Variants in ITSN1 observed in about 807,000 individuals in gnomAD.
ITSN1 encodes intersectin 1.
Under a neutral mutation model 239.8 loss-of-function variants are expected in ITSN1, and 58 were observed. The observed-to-expected ratio is 0.24, with a 90% confidence interval of 0.20 to 0.30. ITSN1 has a LOEUF of 0.30. Among genes scored for constraint, ITSN1 ranks in the 10% least tolerant of loss-of-function variants. ITSN1 has a pLI of 1.00. For synonymous variants in ITSN1, 780 were observed against 770.8 expected, an observed-to-expected ratio of 1.01 and a Z score of -0.20; for missense variants, 1,558 against 2,103.3, an observed-to-expected ratio of 0.74 and a Z score of 5.07.
chr21:33,808,472 C>G (rs1414372874), intron 20 of ITSN1, among the ~76,000 whole-genome samples: 2 of 151,834 alleles, frequency 1.3e-5, no homozygotes, highest in Non-Finnish European at 2.9e-5. Context: ...GTAATCCCAG[C>G]TACTCAGGAG....
At chr21:33,674,068 T>A (rs2090456141) in intron 1 of ITSN1, among the ~76,000 whole-genome samples, 1 of 152,234 alleles carries the variant, frequency 6.6e-6, no homozygotes, top group Non-Finnish European at 1.5e-5. Flanking sequence ...CTTTGACATA[T>A]GTAATTAAAT....
chr21:33,677,988 G>A (rs912920434), intron 1 of ITSN1, among the ~76,000 whole-genome samples: 1 of 152,150 alleles, frequency 6.6e-6, no homozygotes, highest in African/African-American at 2.4e-5. Flanking sequence ...GTGTAAATAA[G>A]ATCATATTAT....
At position 33,687,705 on chromosome 21, in the gene ITSN1, G is replaced by A. The variant is rs557623896; in HGVS notation, c.-32-31092G>A. 4.6e-5 allele frequency among the ~76,000 whole-genome samples: 7 copies of A among 152,258 alleles called. No individual in the cohort carries two copies. In the East Asian group the frequency reaches 5.8e-4, roughly 13 times the overall value. On this transcript the variant is annotated intron_variant, in intron 1 of 39. Coordinates refer to ENST00000381318, the MANE Select transcript of ITSN1 (RefSeq NM_003024.3). Reference sequence around the variant, plus strand: ...AATACATAGTTAGGGACAGTTGTTCGTAGCTTCTGGAGTGTTTGAAAATGG... The same window carrying A: ...AATACATAGTTAGGGACAGTTGTTCATAGCTTCTGGAGTGTTTGAAAATGG...
intron 29 of ITSN1, among the ~76,000 whole-genome samples, chr21:33,852,486 C>T (rs2148465638): frequency 6.6e-6 from 1 of 152,258 alleles, no homozygotes; most frequent in African/African-American, 2.4e-5. Flanking sequence ...TGATGCTGTT[C>T]ATACAAATAT....
chr21:33,786,753 G>A (rs2070709440), intron 16 of ITSN1, among the ~76,000 whole-genome samples: 1 of 152,190 alleles, frequency 6.6e-6, no homozygotes, highest in Non-Finnish European at 1.5e-5. Context: ...GTCCTTGTTG[G>A]TTCCTGTCTA....
At chr21:33,851,158 C>T (rs1329734745) in intron 29 of ITSN1, among the ~76,000 whole-genome samples, 1 of 152,202 alleles carries the variant, frequency 6.6e-6, no homozygotes, top group East Asian at 1.9e-4. Context: ...TCATCTGGCC[C>T]TTCCCACCTT....
chr21:33,687,894 A>G (rs1030863853), intron 1 of ITSN1, among the ~76,000 whole-genome samples: 1 of 152,242 alleles, frequency 6.6e-6, no homozygotes, highest in Non-Finnish European at 1.5e-5. Context: ...CAGGCTGAAT[A>G]TACAAAGACT....
At chr21:33,792,046 T>C (rs1328618586) in intron 16 of ITSN1, among the ~76,000 whole-genome samples, 1 of 152,130 alleles carries the variant, frequency 6.6e-6, no homozygotes, top group Non-Finnish European at 1.5e-5. Flanking sequence ...ATAAATACTT[T>C]ATTTGTTTGT....
At chr21:33,723,474 T>C (rs1315156124) in intron 4 of ITSN1, among the ~76,000 whole-genome samples, 1 of 151,790 alleles carries the variant, frequency 6.6e-6, no homozygotes, top group East Asian at 1.9e-4. Context: ...ATTAGCCAGG[T>C]GTGGTGGCGG....
intron 5 of ITSN1, among the ~76,000 whole-genome samples, chr21:33,745,858 C>G (rs1284495776): frequency 3.3e-5 from 5 of 152,222 alleles, no homozygotes; most frequent in South Asian, 2.1e-4. Context: ...GAGTCAGCTG[C>G]AAACTCCTGA....
chr21:33,836,613 C>G lies in ITSN1; in HGVS notation c.3642C>G (p.Asp1214Glu). ...FPSNYVKLTTDMDPSQQWCSD... is the reference protein window; with the variant it reads ...FPSNYVKLTTEMDPSQQWCSD... ...CCAATTATGTGAAGCTGACCACAGACATGGACCCAAGCCAGCAATGTAAGT... is the reference window on the plus strand; with the variant it reads ...CCAATTATGTGAAGCTGACCACAGAGATGGACCCAAGCCAGCAATGTAAGT... The change falls in exon 29 of 40, where the codon GAC becomes GAG. Residue 1214 changes from aspartate to glutamate, a missense_variant. Coordinates refer to ENST00000381318, the MANE Select transcript of ITSN1 (RefSeq NM_003024.3). 1 of 1,613,928 alleles carries G rather than the reference C, an allele frequency of 6.2e-7. No homozygotes were observed. Among genetic ancestry groups the G allele is most frequent in the Non-Finnish European group, 8.5e-7 (1 of 1,179,872 alleles).
chr21:33,685,960 C>T (rs920955276), intron 1 of ITSN1, among the ~76,000 whole-genome samples: 1 of 152,186 alleles, frequency 6.6e-6, no homozygotes, highest in African/African-American at 2.4e-5. Flanking sequence ...AAGCTGAAGC[C>T]AATTTTGCCA....
intron 1 of ITSN1, among the ~76,000 whole-genome samples, chr21:33,705,535 C>T (rs1343715579): frequency 1.3e-5 from 2 of 151,750 alleles, no homozygotes; most frequent in African/African-American, 4.9e-5. Context: ...CTACAGGTGC[C>T]TGCCACCACA....
intron 1 of ITSN1, among the ~76,000 whole-genome samples, chr21:33,679,887 A>G (rs1204497481): frequency 2.0e-5 from 3 of 151,830 alleles, no homozygotes; most frequent in Admixed American, 6.6e-5. Context: ...TTTAGTAGAG[A>G]CGAGGTTTCA....
intron 29 of ITSN1, among the ~76,000 whole-genome samples, chr21:33,846,408 C>T (rs1322802241): frequency 1.3e-5 from 2 of 152,236 alleles, no homozygotes; most frequent in Admixed American, 6.5e-5. Context: ...TCTTACCTCC[C>T]CAGTTAGACT....
intron 1 of ITSN1, among the ~76,000 whole-genome samples, chr21:33,650,793 G>A (rs2088446953): frequency 6.6e-6 from 1 of 152,198 alleles, no homozygotes; most frequent in African/African-American, 2.4e-5. Context: ...AGATTTCAAT[G>A]AATAGTAGTT....
At chr21:33,648,812 CAT>C (rs2088221048) in intron 1 of ITSN1, among the ~76,000 whole-genome samples, 1 of 150,786 alleles carries the variant, frequency 6.6e-6, no homozygotes, top group Non-Finnish European at 1.5e-5. Context: ...GACTGGGCAA[CAT>C]AGTGAGATCT....
At chr21:33,751,149 A>G (rs899903382) in intron 6 of ITSN1, among the ~76,000 whole-genome samples, 5 of 152,188 alleles carry the variant, frequency 3.3e-5, no homozygotes, top group Non-Finnish European at 4.4e-5. Context: ...CATCTTGCAT[A>G]TATGACCATG....
intron 34 of ITSN1, among the ~76,000 whole-genome samples, chr21:33,878,279 C>T (rs570705636): frequency 6.2e-4 from 95 of 152,174 alleles, no homozygotes; most frequent in South Asian, 2.3e-3. Context: ...GCGATCTGCC[C>T]GCCTTAACCT....
Sources: gnomAD v4.1 joint callset for allele counts (sites outside exome capture counted in the v4.1 genomes callset) on GRCh38, gnomAD v4.1.1 for gene constraint, MANE v1.5 for transcripts, NCBI Gene and HGNC (gene_info 2026-07-23, HGNC 2026-07-21) for gene names.